ZSWIM6: variants seen among roughly 807,000 people sequenced by gnomAD.
ZSWIM6 encodes zinc finger SWIM domain-containing protein 6.
Under a neutral mutation model 113.2 loss-of-function variants are expected in ZSWIM6, and 9 were observed. That is an observed-to-expected ratio of 0.08 (90% CI 0.05 to 0.14). ZSWIM6 has a LOEUF of 0.14. ZSWIM6 is among the 10% of genes least tolerant of loss of function. The pLI is 1.00. For synonymous variants in ZSWIM6, 611 were observed against 606.5 expected, an observed-to-expected ratio of 1.01 and a Z score of -0.11; for missense variants, 1,162 against 1,552.2, an observed-to-expected ratio of 0.75 and a Z score of 4.22.
chr5:61,466,151 G>A (rs1224063845), intron 1 of ZSWIM6, among the ~76,000 whole-genome samples: 1 of 152,152 alleles, frequency 6.6e-6, no homozygotes, highest in Admixed American at 6.5e-5. Context: ...ATCGATTATT[G>A]TAGTGTGGGG....
intron 1 of ZSWIM6, among the ~76,000 whole-genome samples, chr5:61,450,471 A>G (rs1169253926): frequency 6.6e-6 from 1 of 152,210 alleles, no homozygotes; most frequent in Non-Finnish European, 1.5e-5. Flanking sequence ...TTAAAAATAA[A>G]TAATTGCTAG....
At chr5:61,442,689 T>C (rs1252819705) in intron 1 of ZSWIM6, among the ~76,000 whole-genome samples, 1 of 152,216 alleles carries the variant, frequency 6.6e-6, no homozygotes, top group Admixed American at 6.5e-5. Context: ...CCTGGGAATA[T>C]GACCAGTTCC....
At chr5:61,489,393 G>A (rs1460295101) in intron 2 of ZSWIM6, among the ~76,000 whole-genome samples, 2 of 151,902 alleles carry the variant, frequency 1.3e-5, no homozygotes, top group Non-Finnish European at 2.9e-5. Context: ...TTATTAGATT[G>A]ATATTTATCT....
intron 1 of ZSWIM6, chr5:61,375,297 A>G: frequency 2.5e-6 from 4 of 1,610,166 alleles, no homozygotes; most frequent in East Asian, 2.2e-5. Context: ...CTGAATTTGA[A>G]GAAAAAATGA....
At chr5:61,483,553 T>G (rs924809540) in intron 2 of ZSWIM6, among the ~76,000 whole-genome samples, 3 of 152,150 alleles carry the variant, frequency 2.0e-5, no homozygotes, top group African/African-American at 7.2e-5. Flanking sequence ...AAAGCAATTT[T>G]AAAATCTGTC....
intron 9 of ZSWIM6, among the ~76,000 whole-genome samples, chr5:61,534,218 C>CTA (rs1177073758): frequency 6.6e-6 from 1 of 151,996 alleles, no homozygotes; most frequent in African/African-American, 2.4e-5. Context: ...TATCAAATCA[C>CTA]TAAAACATTT....
intron 7 of ZSWIM6, among the ~76,000 whole-genome samples, chr5:61,526,928 G>A (rs182755397): frequency 6.6e-6 from 1 of 152,114 alleles, no homozygotes; most frequent in Non-Finnish European, 1.5e-5. Context: ...AGCAAAGCTT[G>A]GCACAATGTG....
At chr5:61,427,640 C>T (rs973006110) in intron 1 of ZSWIM6, among the ~76,000 whole-genome samples, 1 of 151,934 alleles carries the variant, frequency 6.6e-6, no homozygotes, top group Non-Finnish European at 1.5e-5. Context: ...CACTGTGCCT[C>T]GTTAATTTTT....
At chr5:61,346,485 T>G (rs181461608) in intron 1 of ZSWIM6, among the ~76,000 whole-genome samples, 1 of 152,378 alleles carries the variant, frequency 6.6e-6, no homozygotes, top group Admixed American at 6.5e-5. Context: ...GATATGTGTA[T>G]ATGTATAATT....
intron 13 of ZSWIM6, among the ~76,000 whole-genome samples, 184 bp downstream of exon 13, chr5:61,542,149 T>C (rs1419242356): frequency 6.6e-6 from 1 of 152,258 alleles, no homozygotes; most frequent in Non-Finnish European, 1.5e-5. Context: ...CATACTTGTA[T>C]TATTCAACTT....
intron 1 of ZSWIM6, among the ~76,000 whole-genome samples, chr5:61,382,949 A>G (rs1469432429): frequency 6.6e-6 from 1 of 152,258 alleles, no homozygotes; most frequent in Non-Finnish European, 1.5e-5. Flanking sequence ...CATAGGATGC[A>G]TTTAAATAAC....
At chr5:61,485,076 C>A (rs1447323293) in intron 2 of ZSWIM6, among the ~76,000 whole-genome samples, 1 of 152,106 alleles carries the variant, frequency 6.6e-6, no homozygotes, top group Non-Finnish European at 1.5e-5. Context: ...ATGTGCATTT[C>A]TCCCTCCCTC....
chr5:61,332,343 G>A lies in ZSWIM6; in HGVS notation c.71G>A (p.Gly24Asp). ...LCCRPGGGGG[G>D]GGSSGGGGGA... is the part of the protein sequence containing the mutation. ...TGCCGGCCGGGCGGCGGCGGCGGCG[G>A]CGGGGGCAGCAGCGGCGGCGGCGGC... Residue 24 changes from glycine to aspartate, a missense_variant, in exon 1 of 14, where the codon GGC (glycine) becomes GAC (aspartate). Physicochemically the swap from Gly to Asp is moderately conservative, Grantham distance 94. Around this residue, in one of 4 missense-constraint regions of ZSWIM6, gnomAD observed 333 missense variants for 293.4 expected, o/e 1.13. Transcript: ENST00000252744. 2.8e-6 allele frequency: 3 copies of A among 1,056,562 alleles called. No homozygotes were observed. Among genetic ancestry groups the A allele is most frequent in the Non-Finnish European group, 3.5e-6 (3 of 861,828 alleles). The allele number at this position is 1,056,562 out of a possible 1,614,324, so 65.4% of individuals were successfully genotyped here. A position where few individuals can be genotyped will look rare whatever the true frequency, so the allele number is the denominator to read the frequency against.
chr5:61,468,497 C>T (rs1747487833), intron 1 of ZSWIM6, among the ~76,000 whole-genome samples: 1 of 152,130 alleles, frequency 6.6e-6, no homozygotes. Flanking sequence ...GCAGGATTGT[C>T]CCTTTTTGTA....
intron 4 of ZSWIM6, 61 bp downstream of exon 4, chr5:61,494,471 T>C: frequency 3.2e-6 from 5 of 1,539,668 alleles, no homozygotes; most frequent in Non-Finnish European, 4.4e-6. Flanking sequence ...CATAGTCAGA[T>C]GTTTCAAGAA....
At chr5:61,344,290 A>G (rs1744610435) in intron 1 of ZSWIM6, among the ~76,000 whole-genome samples, 1 of 152,206 alleles carries the variant, frequency 6.6e-6, no homozygotes, top group African/African-American at 2.4e-5. Context: ...CGTTCAGCCC[A>G]GTGAACTAGC....
chr5:61,362,680 A>G (rs1372552335), intron 1 of ZSWIM6, among the ~76,000 whole-genome samples: 2 of 152,090 alleles, frequency 1.3e-5, no homozygotes, highest in Non-Finnish European at 2.9e-5. Context: ...CTCCTACCTG[A>G]TGCCCTTTTC....
intron 2 of ZSWIM6, among the ~76,000 whole-genome samples, chr5:61,485,694 A>G (rs954270439): frequency 3.3e-5 from 5 of 152,166 alleles, no homozygotes; most frequent in Non-Finnish European, 7.4e-5. Context: ...CTGTTTTTCA[A>G]GCAACTATCA....
chr5:61,419,155 G>A (rs1217678378), intron 1 of ZSWIM6, among the ~76,000 whole-genome samples: 1 of 152,196 alleles, frequency 6.6e-6, no homozygotes, highest in Non-Finnish European at 1.5e-5. Flanking sequence ...TAGTTTCCAT[G>A]TATAGTAATG....
Sources: gnomAD v4.1 joint callset for allele counts (sites outside exome capture counted in the v4.1 genomes callset) on GRCh38, gnomAD v4.1.1 for gene constraint, gnomAD v4.1.1 regional missense constraint, MANE v1.5 for transcripts, NCBI Gene and HGNC (gene_info 2026-07-23, HGNC 2026-07-21) for gene names.